The following LRFN2 variants were observed in gnomAD, a reference collection of about 807,000 sequenced individuals.
The protein encoded by LRFN2 is leucine rich repeat and fibronectin type III domain containing 2, also known as leucine-rich repeat and fibronectin type-III domain-containing protein 2.
A neutral mutation model predicts 37.3 loss-of-function variants in LRFN2; 18 were observed. The observed-to-expected ratio is 0.48, with a 90% CI of 0.33 to 0.72. The LOEUF (loss-of-function observed/expected upper bound fraction) is 0.72, where lower values mean the gene tolerates loss of function less well. Among genes scored for constraint, LRFN2 ranks in the 30% least tolerant of loss-of-function variants. LRFN2 has a pLI of 0.02. For synonymous variants in LRFN2, 556 were observed against 466.6 expected, an observed-to-expected ratio of 1.19 and a Z score of -2.47; for missense variants, 1,006 against 1,060.7, an observed-to-expected ratio of 0.95 and a Z score of 0.72.
intron 2 of LRFN2, among the ~76,000 whole-genome samples, chr6:40,395,447 C>G (rs1282843382): frequency 1.3e-5 from 2 of 152,334 alleles, no homozygotes; most frequent in African/African-American, 2.4e-5. Flanking sequence ...GTGACTCACG[C>G]TCCTCTACTG....
At chr6:40,490,007 G>A (rs1420814472) in intron 1 of LRFN2, among the ~76,000 whole-genome samples, 1 of 152,164 alleles carries the variant, frequency 6.6e-6, no homozygotes, top group Non-Finnish European at 1.5e-5. Context: ...TCTGCCTGCA[G>A]CAGAGGGAGG....
At chr6:40,530,939 T>C (rs1311638675) in intron 1 of LRFN2, among the ~76,000 whole-genome samples, 5 of 152,270 alleles carry the variant, frequency 3.3e-5, no homozygotes, top group African/African-American at 1.2e-4. Flanking sequence ...CAAGCGACAA[T>C]CCTTGGAGCC....
intron 1 of LRFN2, among the ~76,000 whole-genome samples, chr6:40,555,032 G>T (rs1392358335): frequency 6.6e-6 from 1 of 152,196 alleles, no homozygotes; most frequent in Non-Finnish European, 1.5e-5. Context: ...ACATAACTCT[G>T]TCCTCTTTAC....
At chr6:40,534,014 G>A (rs1385199293) in intron 1 of LRFN2, among the ~76,000 whole-genome samples, 1 of 152,222 alleles carries the variant, frequency 6.6e-6, no homozygotes, top group African/African-American at 2.4e-5. Flanking sequence ...CATAGGCACT[G>A]TTACAACTTC....
intron 1 of LRFN2, among the ~76,000 whole-genome samples, chr6:40,454,359 T>C (rs1581718788): frequency 6.6e-6 from 1 of 152,128 alleles, no homozygotes; most frequent in East Asian, 1.9e-4. Context: ...TTGGGGATGG[T>C]GTCATGGGTG....
chr6:40,572,986 C>T (rs1767213683), intron 1 of LRFN2, among the ~76,000 whole-genome samples: 3 of 152,226 alleles, frequency 2.0e-5, no homozygotes. Context: ...TGCATAGCCG[C>T]CCCAGTGATG....
intron 1 of LRFN2, among the ~76,000 whole-genome samples, chr6:40,585,406 C>T (rs1012449970): frequency 2.0e-5 from 3 of 152,050 alleles, no homozygotes; most frequent in Non-Finnish European, 2.9e-5. Flanking sequence ...GCATGGTCGG[C>T]GGAGGATGAC....
chr6:40,398,079 GAGCCCTGGGCT>G (rs1482605781), intron 2 of LRFN2, among the ~76,000 whole-genome samples: 2 of 151,918 alleles, frequency 1.3e-5, no homozygotes, highest in African/African-American at 4.8e-5. Flanking sequence ...ATAGCTTGAG[GAGCCCTGGGCT>G]AGTGCAGGCT....
intron 1 of LRFN2, among the ~76,000 whole-genome samples, chr6:40,550,039 A>G (rs191390042): frequency 1.0e-3 from 152 of 152,246 alleles, no homozygotes; most frequent in African/African-American, 3.0e-3. Context: ...GTCTCAAAAT[A>G]AAAAATAAAA....
At chr6:40,437,817 A>T (rs1025312663) in intron 1 of LRFN2, among the ~76,000 whole-genome samples, 3 of 152,228 alleles carry the variant, frequency 2.0e-5, no homozygotes, top group African/African-American at 7.2e-5. Context: ...CGCCAGGCCT[A>T]GTTCCCTCTA....
chr6:40,542,057 G>A (rs1561901441), intron 1 of LRFN2, among the ~76,000 whole-genome samples: 1 of 152,238 alleles, frequency 6.6e-6, no homozygotes, highest in South Asian at 2.1e-4. Context: ...ACACACACTT[G>A]CAGTCATGTG....
intron 1 of LRFN2, among the ~76,000 whole-genome samples, chr6:40,440,073 T>C (rs1238579382): frequency 6.6e-6 from 1 of 151,334 alleles, no homozygotes; most frequent in African/African-American, 2.4e-5. Context: ...ATCCTGAATC[T>C]CCAAACTTCT....
chr6:40,521,961 G>T (rs1766083409), intron 1 of LRFN2, among the ~76,000 whole-genome samples: 1 of 152,176 alleles, frequency 6.6e-6, no homozygotes. Flanking sequence ...TTGGTGGAAT[G>T]GGCTGGCTGA....
At chr6:40,574,491 T>C (rs540125530) in intron 1 of LRFN2, among the ~76,000 whole-genome samples, 177 of 152,178 alleles carry the variant, frequency 1.2e-3, no homozygotes, top group Non-Finnish European at 2.0e-3. Flanking sequence ...GCCTCGGAGT[T>C]ATGCTCCCAG....
At chr6:40,577,555 G>T (rs1470051360) in intron 1 of LRFN2, among the ~76,000 whole-genome samples, 25 of 148,532 alleles carry the variant, frequency 1.7e-4, no homozygotes, top group Non-Finnish European at 2.1e-4. Flanking sequence ...CTAGCATTAG[G>T]TATATCTCCC....
chr6:40,488,009 G>T (rs936619265), intron 1 of LRFN2, among the ~76,000 whole-genome samples: 1 of 152,152 alleles, frequency 6.6e-6, no homozygotes, highest in South Asian at 2.1e-4. Context: ...CCCAGTCACA[G>T]CAGCAGCCCC....
chr6:40,470,939 C>T (rs1022126353), intron 1 of LRFN2, among the ~76,000 whole-genome samples: 2 of 152,214 alleles, frequency 1.3e-5, no homozygotes, highest in African/African-American at 4.8e-5. Flanking sequence ...ATCCCTCATC[C>T]TACGGAGGAT....
chr6:40,489,372 G>A (rs1765035518), intron 1 of LRFN2, among the ~76,000 whole-genome samples: 1 of 152,200 alleles, frequency 6.6e-6, no homozygotes, highest in South Asian at 2.1e-4. Context: ...CGAAACTGAG[G>A]ACCCAAGTGG....
At chr6:40,571,558 A>C (rs538815486) in intron 1 of LRFN2, among the ~76,000 whole-genome samples, 2 of 152,310 alleles carry the variant, frequency 1.3e-5, no homozygotes, top group African/African-American at 4.8e-5. Context: ...GTCCTCCCAA[A>C]GTAGCGGAAC....
Sources: allele counts gnomAD v4.1 joint callset (sites outside exome capture counted in the v4.1 genomes callset), GRCh38; gene constraint gnomAD v4.1.1; transcripts MANE v1.5; gene names NCBI Gene and HGNC (gene_info 2026-07-23, HGNC 2026-07-21).